LAMA1: variants seen among roughly 807,000 people sequenced by gnomAD.
The protein encoded by LAMA1 is laminin subunit alpha 1, also known as laminin subunit alpha-1.
A neutral mutation model predicts 348.7 loss-of-function variants in LAMA1; 219 were observed. The observed-to-expected ratio is 0.63, with a 90% CI of 0.56 to 0.70. The LOEUF is 0.70. Among genes scored for constraint, LAMA1 ranks in the 30% least tolerant of loss-of-function variants. The pLI is 0.00. For synonymous variants in LAMA1, 1,487 were observed against 1,491.0 expected (o/e 1.00, Z 0.06); for missense variants, 3,744 against 3,888.0 (o/e 0.96, Z 0.99).
intron 61 of LAMA1, among the ~76,000 whole-genome samples, chr18:6,945,688 C>T (rs1436189806): frequency 6.6e-6 from 1 of 152,080 alleles, no homozygotes; most frequent in Non-Finnish European, 1.5e-5. Context: ...GCACATGACC[C>T]CACGGGGAAG....
rs28404636 is a variant in LAMA1 at position 7,025,853 on chromosome 18, C to G, written c.2402+126G>C. 3.3e-5 allele frequency: 45 copies of G among 1,359,490 alleles called. No homozygotes were observed. The African/African-American group carries it at 6.2e-4, about 19-fold the overall frequency. 84.2% of individuals were successfully genotyped at this position (1,359,490 alleles called of 1,614,324 possible). A position where few individuals can be genotyped will look rare whatever the true frequency, so the allele number is the denominator to read the frequency against. ...CCACCCCTCTGTCTTTAATCCAAAT[C>G]AATTGTCACTGGGCAAAATTCACAC... is the stretch of plus-strand genomic sequence containing the variant. On this transcript the variant is annotated intron_variant, in intron 17 of 62. Coordinates refer to ENST00000389658, the MANE Select transcript of LAMA1 (RefSeq NM_005559.4).
Position 6,966,229 on chromosome 18 carries a change from GGA to G in LAMA1, c.6966_6967del (p.Pro2323GlyfsTer11). 1 of 1,613,876 alleles carries G rather than the reference GGA, an allele frequency of 6.2e-7. No individual in the cohort carries two copies. The highest frequency in any genetic ancestry group is 8.5e-7 in the Non-Finnish European group (1 of 1,179,888). ...CATGATTATCTGGGTCACGGTAGCC[GGA>G]AGTGACTTCTCCACGACAGAGTACC... On this transcript the variant is annotated frameshift_variant, in exon 49 of 63. Transcript: ENST00000389658. LOFTEE classifies it high-confidence loss of function.
intron 1 of LAMA1, among the ~76,000 whole-genome samples, chr18:7,100,439 C>G (rs1437735074): frequency 1.3e-5 from 2 of 152,158 alleles, no homozygotes. Context: ...AAAACACAAA[C>G]TTACCACACG....
rs759086471 is a variant in LAMA1 at position 7,011,366 on chromosome 18, G to A, written c.3621C>T (p.Thr1207=). The A allele has an allele frequency of 1.7e-5, 28 of 1,611,884 alleles. No individual in the cohort carries two copies. In the East Asian group the frequency reaches 3.8e-4, roughly 22 times the overall value. The change falls in exon 25 of 63, where the codon ACC becomes ACT. Residue 1207 remains threonine (T), a synonymous_variant. Transcript: ENST00000389658. Reference sequence around the variant, plus strand: ...GCTCTGCACGGATGTGCTGCCGGACGGTGGCGGCATCCAGCAGGAAGTCGG... The same window carrying A: ...GCTCTGCACGGATGTGCTGCCGGACAGTGGCGGCATCCAGCAGGAAGTCGG... ...QAPDFLLDAA[T]VRQHIRAEPF...
chr18:6,974,985 C>G lies in LAMA1; in HGVS notation c.6541G>C (p.Asp2181His). The change falls in exon 46 of 63, where the codon GAC becomes CAC. Residue 2181 changes from aspartate to histidine, a missense_variant. Transcript: ENST00000389658. ...MRRGRVAFLW[D>H]LGSGSTRLEF... Reference sequence around the variant, plus strand: ...AAGCGTGTGGACCCGGAGCCCAGGTCCCACAGGAAGGCCACTCTCCCTCGC... The same window carrying G: ...AAGCGTGTGGACCCGGAGCCCAGGTGCCACAGGAAGGCCACTCTCCCTCGC... The G allele has an allele frequency of 5.0e-6, 8 of 1,614,022 alleles. No individual in the cohort carries two copies. The highest frequency in any genetic ancestry group is 6.8e-6 in the Non-Finnish European group (8 of 1,180,014).
intron 46 of LAMA1, among the ~76,000 whole-genome samples, chr18:6,973,802 G>A (rs1387642707): frequency 6.6e-6 from 1 of 152,130 alleles, no homozygotes; most frequent in African/African-American, 2.4e-5. Context: ...TTTATTAGAG[G>A]CAGGGTCTTG....
intron 1 of LAMA1, among the ~76,000 whole-genome samples, chr18:7,111,778 G>A (rs1409796132): frequency 3.9e-5 from 6 of 152,216 alleles, no homozygotes; most frequent in South Asian, 4.1e-4. Flanking sequence ...ATTCTTAGGA[G>A]ATGATAGTTT....
chr18:7,037,428 T>C, intron 12 of LAMA1, 150 bp downstream of exon 12: 1 of 833,250 alleles, frequency 1.2e-6, no homozygotes, highest in Middle Eastern at 3.6e-4. Context: ...AAACCTTCTT[T>C]GTATCATCAG....
At chr18:6,982,316 G>A (rs1312137027) in intron 41 of LAMA1, among the ~76,000 whole-genome samples, 181 bp downstream of exon 41, 1 of 152,166 alleles carries the variant, frequency 6.6e-6, no homozygotes, top group African/African-American at 2.4e-5. Context: ...ATTATATGAA[G>A]TTTATATGAT....
chr18:7,103,733 C>T (rs982867727), intron 1 of LAMA1, among the ~76,000 whole-genome samples: 7 of 150,494 alleles, frequency 4.7e-5, no homozygotes, highest in African/African-American at 9.8e-5. Context: ...GCAGAAGAAT[C>T]GCTTAAACCC....
intron 1 of LAMA1, among the ~76,000 whole-genome samples, chr18:7,115,623 A>G (rs1377842198): frequency 6.6e-6 from 1 of 151,898 alleles, no homozygotes; most frequent in Non-Finnish European, 1.5e-5. Context: ...AAAACACACA[A>G]CTTTACAAAT....
At chr18:7,080,671 T>C (rs993319645) in intron 1 of LAMA1, among the ~76,000 whole-genome samples, 2 of 152,158 alleles carry the variant, frequency 1.3e-5, no homozygotes, top group African/African-American at 4.8e-5. Flanking sequence ...CAAACCATTG[T>C]TGCAGGGGGT....
At chr18:7,054,599 G>A (rs2143733615) in intron 3 of LAMA1, among the ~76,000 whole-genome samples, 2 of 152,314 alleles carry the variant, frequency 1.3e-5, no homozygotes, top group Middle Eastern at 3.4e-3. Flanking sequence ...AAATAGCCAT[G>A]CAATACATGT....
rs2057680989 is a variant in LAMA1, at chr18:6,976,118, G to GAC, written c.6346-40_6346-39dup. ...AATGAAAGTGTCCCCATCATTTAGT[G>GAC]ACACACACCGGCAGCTCACCAGCAG... On this transcript the variant is annotated intron_variant, in intron 44 of 62. Transcript: ENST00000389658. 4 of 1,610,442 alleles carry GAC rather than the reference G, an allele frequency of 2.5e-6. No individual in the cohort carries two copies. In the East Asian group the frequency reaches 8.9e-5, roughly 36 times the overall value.
intron 1 of LAMA1, among the ~76,000 whole-genome samples, chr18:7,087,649 G>T (rs1398978404): frequency 6.6e-6 from 1 of 152,184 alleles, no homozygotes; most frequent in Non-Finnish European, 1.5e-5. Context: ...ATATCAATAT[G>T]TATTTGGATT....
chr18:6,950,922 A>G lies in LAMA1; in HGVS notation c.8257T>C (p.Tyr2753His), dbSNP rs777170530. The part of the protein sequence containing the change: ...IRTFASSGLI[Y>H]YMAHQNQADY... ...GCTTGGTTCTGATGAGCCATGTAGT[A>G]AATCAGGCCGCTGGAGGCGAACGTG... is the stretch of plus-strand genomic sequence containing the variant. The change falls in exon 58 of 63, where the codon TAC becomes CAC. Residue 2753 changes from tyrosine (Y) to histidine (H), a missense_variant. Transcript: ENST00000389658. The G allele has an allele frequency of 4.5e-5, 72 of 1,614,070 alleles. No homozygotes were observed. The East Asian group carries it at 1.5e-3, about 34-fold the overall frequency.
chr18:7,098,879 T>A (rs1452715415), intron 1 of LAMA1, among the ~76,000 whole-genome samples: 1 of 138,338 alleles, frequency 7.2e-6, no homozygotes, highest in Non-Finnish European at 1.6e-5. Flanking sequence ...AGCCGCCCCG[T>A]CCGGGAGGTG....
intron 3 of LAMA1, among the ~76,000 whole-genome samples, chr18:7,068,616 C>T (rs2058132917): frequency 6.6e-6 from 1 of 151,970 alleles, no homozygotes; most frequent in African/African-American, 2.4e-5. Flanking sequence ...GTTACTAGTA[C>T]ATCAAAATAA....
At chr18:7,028,589 C>T (rs771720089) in intron 16 of LAMA1, among the ~76,000 whole-genome samples, 1 of 152,194 alleles carries the variant, frequency 6.6e-6, no homozygotes, top group Non-Finnish European at 1.5e-5. Context: ...AGCAGATCTG[C>T]ACTACAGAAA....
Sources: gnomAD v4.1 joint callset for allele counts (sites outside exome capture counted in the v4.1 genomes callset) on GRCh38, gnomAD v4.1.1 for gene constraint, MANE v1.5 for transcripts, NCBI Gene and HGNC (gene_info 2026-07-23, HGNC 2026-07-21) for gene names.